Variants in WDHD1 observed in about 807,000 individuals in gnomAD.
WDHD1 encodes the protein WD repeat and HMG-box DNA-binding protein 1.
WDHD1 carries 111 observed loss-of-function variants against 135.4 expected under a neutral mutation model. That is an observed-to-expected ratio of 0.82 (90% CI 0.70 to 0.96). The LOEUF is 0.96. WDHD1 is among the 40% of genes least tolerant of loss of function. The probability of loss-of-function intolerance (pLI) is 0.00; values close to 1 mark genes in which losing one functional copy is unlikely to be tolerated. For synonymous variants in WDHD1, 434 were observed against 439.0 expected (o/e 0.99, Z 0.14); for missense variants, 1,351 against 1,336.3 (o/e 1.01, Z -0.17).
intron 2 of WDHD1, among the ~76,000 whole-genome samples, chr14:55,020,741 C>T (rs2042332383): frequency 6.6e-6 from 1 of 152,158 alleles, no homozygotes; most frequent in Admixed American, 6.5e-5. Flanking sequence ...CAAAAATCCA[C>T]ATAGAAGTTT....
chr14:55,021,449 G>A (rs1337610126), intron 2 of WDHD1, among the ~76,000 whole-genome samples: 2 of 151,114 alleles, frequency 1.3e-5, no homozygotes, highest in East Asian at 1.9e-4. Flanking sequence ...TTGTTGGCCA[G>A]CCTGGAATGT....
chr14:55,009,315 C>G (rs1377057200), intron 4 of WDHD1, among the ~76,000 whole-genome samples: 1 of 152,138 alleles, frequency 6.6e-6, no homozygotes, highest in Non-Finnish European at 1.5e-5. Flanking sequence ...TTTAAAAGTA[C>G]TATACCTTTC....
At chr14:54,953,266 A>G (rs1326508615) in intron 24 of WDHD1, among the ~76,000 whole-genome samples, 2 of 152,206 alleles carry the variant, frequency 1.3e-5, no homozygotes, top group Non-Finnish European at 2.9e-5. Context: ...AAGAACTCAA[A>G]CAAATTTACA....
Position 54,987,344 on chromosome 14 carries a change from C to G in WDHD1, c.1570G>C (p.Glu524Gln), listed in dbSNP as rs376533354. Residue 524 changes from glutamate to glutamine, a missense_variant, in exon 14 of 26, where the codon GAG becomes CAG. Glu to Gln is a conservative substitution (Grantham distance 29, BLOSUM62 2). Around this residue, in one of 2 missense-constraint regions of WDHD1, gnomAD observed 1,330 missense variants for 1,296.1 expected, o/e 1.03. Coordinates refer to ENST00000360586, the MANE Select transcript of WDHD1 (RefSeq NM_007086.4). ...TTCTGAGGCAAGTCTATTATCCACT[C>G]TTTGCTTGAATCCCAAGAACTAAAG... Reference protein sequence around the residue: ...LHFSSWDSSKEWIIDLPQNED... With the variant: ...LHFSSWDSSKQWIIDLPQNED... 7 of 1,613,830 alleles carry G rather than the reference C, an allele frequency of 4.3e-6. No individual in the cohort carries two copies. In the African/African-American group the frequency reaches 9.3e-5, roughly 22 times the overall value.
intron 16 of WDHD1, among the ~76,000 whole-genome samples, chr14:54,971,467 A>G (rs904442039): frequency 1.5e-4 from 23 of 152,226 alleles, no homozygotes; most frequent in African/African-American, 4.8e-4. Flanking sequence ...GTCTTGTGCA[A>G]TCCCATTTAC....
At chr14:54,996,880 C>T (rs12323365) in intron 10 of WDHD1, among the ~76,000 whole-genome samples, 6,663 of 151,952 alleles carry the variant, frequency 0.044, 533 homozygotes, top group African/African-American at 0.15. Flanking sequence ...CAACCTCCGC[C>T]TCCCGGGTTC....
At chr14:55,007,867 A>C (rs998100610) in intron 6 of WDHD1, among the ~76,000 whole-genome samples, 1 of 152,162 alleles carries the variant, frequency 6.6e-6, no homozygotes, top group South Asian at 2.1e-4. Flanking sequence ...GGCAGACTTA[A>C]CTGTTCCCTC....
At chr14:54,944,271 A>G (rs956823345) in intron 25 of WDHD1, 61 bp downstream of exon 25, 7 of 1,589,210 alleles carry the variant, frequency 4.4e-6, no homozygotes, top group Middle Eastern at 3.3e-4. Flanking sequence ...AGGCATTTCT[A>G]TAAGAATTTT....
At chr14:54,986,303 C>T (rs1429861588) in intron 14 of WDHD1, among the ~76,000 whole-genome samples, 1 of 152,142 alleles carries the variant, frequency 6.6e-6, no homozygotes, top group Non-Finnish European at 1.5e-5. Flanking sequence ...ATTTATAGAA[C>T]AGTTATATAG....
chr14:54,984,887 A>T (rs2140194166), intron 14 of WDHD1, 27 bp from the exon 15 acceptor site: 1 of 1,603,146 alleles, frequency 6.2e-7, no homozygotes, highest in Admixed American at 1.8e-5. Flanking sequence ...AATATAAATC[A>T]GGCATCAAAG....
chr14:54,962,440 A>T (rs2041266960), intron 21 of WDHD1, 58 bp downstream of exon 21: 1 of 1,310,740 alleles, frequency 7.6e-7, no homozygotes, highest in Admixed American at 1.7e-5. Context: ...TAGATGTGTC[A>T]CTTTGCAGAT....
At chr14:54,987,062 A>C (rs1170125859) in intron 14 of WDHD1, 84 bp downstream of exon 14, 7 of 1,512,148 alleles carry the variant, frequency 4.6e-6, no homozygotes, top group Non-Finnish European at 6.3e-6. Context: ...ATATAATCCA[A>C]GACAAAAAGA....
At chr14:54,985,612 A>C (rs888340812) in intron 14 of WDHD1, among the ~76,000 whole-genome samples, 5 of 152,228 alleles carry the variant, frequency 3.3e-5, no homozygotes, top group Non-Finnish European at 7.3e-5. Context: ...TGAGAAGAGG[A>C]GCATGATCTA....
chr14:55,010,179 TA>T, intron 4 of WDHD1, 129 bp downstream of exon 4: 1 of 1,024,244 alleles, frequency 9.8e-7, no homozygotes, highest in Non-Finnish European at 1.3e-6. Flanking sequence ...CTTTACTAGA[TA>T]AAAGAATATA....
chr14:54,945,034 C>T (rs2040900705), intron 24 of WDHD1, among the ~76,000 whole-genome samples: 1 of 152,202 alleles, frequency 6.6e-6, no homozygotes, highest in Admixed American at 6.5e-5. Context: ...TCTGTACTTT[C>T]AACTTTTTAA....
At chr14:54,982,366 G>T (rs775586928) in intron 15 of WDHD1, among the ~76,000 whole-genome samples, 4 of 152,098 alleles carry the variant, frequency 2.6e-5, no homozygotes, top group Non-Finnish European at 4.4e-5. Flanking sequence ...GAAGGCTCCC[G>T]CTTGAGAAAC....
intron 25 of WDHD1, among the ~76,000 whole-genome samples, chr14:54,943,862 A>C (rs974552199): frequency 6.6e-6 from 1 of 152,012 alleles, no homozygotes; most frequent in South Asian, 2.1e-4. Flanking sequence ...AAAGAGGACA[A>C]TTGCTTGTGC....
chr14:55,007,060 C>G (rs2042082607), intron 7 of WDHD1, among the ~76,000 whole-genome samples: 1 of 151,708 alleles, frequency 6.6e-6, no homozygotes, highest in Admixed American at 6.6e-5. Flanking sequence ...AACCTCCTCT[C>G]TACTAAAAAT....
intron 8 of WDHD1, 121 bp downstream of exon 8, chr14:55,001,972 C>A: frequency 2.9e-6 from 2 of 684,372 alleles, no homozygotes; most frequent in East Asian, 2.7e-5. Context: ...GAAGATGGAC[C>A]ACATACAACA....
Sources: gnomAD v4.1 joint callset for allele counts (sites outside exome capture counted in the v4.1 genomes callset) on GRCh38, gnomAD v4.1.1 for gene constraint, gnomAD v4.1.1 regional missense constraint, MANE v1.5 for transcripts, NCBI Gene and HGNC (gene_info 2026-07-23, HGNC 2026-07-21) for gene names.